Variants in FNDC3B observed in about 807,000 individuals in gnomAD.
FNDC3B encodes fibronectin type III domain containing 3B.
Under a neutral mutation model 151.5 loss-of-function variants are expected in FNDC3B, and 12 were observed. That is an observed-to-expected ratio of 0.08 (90% confidence interval 0.05 to 0.13). The LOEUF is 0.13. Ranked by LOEUF, FNDC3B falls within the 10% of genes least tolerant of loss-of-function variation. The pLI, the probability that FNDC3B is intolerant of heterozygous loss-of-function variation, is 1.00. For synonymous variants in FNDC3B, 528 were observed against 549.0 expected (o/e 0.96, Z 0.54); for missense variants, 1,214 against 1,505.3 (o/e 0.81, Z 3.20).
intron 2 of FNDC3B, among the ~76,000 whole-genome samples, chr3:172,129,387 A>G (rs1444766860): frequency 3.3e-5 from 5 of 152,242 alleles, no homozygotes. Context: ...CTTAGATACT[A>G]TTGGCACCTG....
At chr3:172,163,420 A>G (rs1722872238) in intron 3 of FNDC3B, among the ~76,000 whole-genome samples, 1 of 152,192 alleles carries the variant, frequency 6.6e-6, no homozygotes, top group Non-Finnish European at 1.5e-5. Context: ...ATCATTAACA[A>G]ATTAAATCAC....
At chr3:172,312,633 TG>T (rs1731572808) in intron 11 of FNDC3B, among the ~76,000 whole-genome samples, 1 of 152,106 alleles carries the variant, frequency 6.6e-6, no homozygotes, top group Non-Finnish European at 1.5e-5. Flanking sequence ...GGGCACTGTG[TG>T]TGTATGTGCG....
chr3:172,306,614 C>T (rs369568082), intron 9 of FNDC3B, among the ~76,000 whole-genome samples: 1 of 152,080 alleles, frequency 6.6e-6, no homozygotes, highest in East Asian at 1.9e-4. Flanking sequence ...TCAGCATAGC[C>T]CTATTTTATG....
At chr3:172,069,407 C>G (rs1240686785) in intron 1 of FNDC3B, among the ~76,000 whole-genome samples, 1 of 152,178 alleles carries the variant, frequency 6.6e-6, no homozygotes, top group Non-Finnish European at 1.5e-5. Context: ...CTAAATATCT[C>G]TATTAATACT....
At chr3:172,054,544 A>G (rs1438) in intron 1 of FNDC3B, among the ~76,000 whole-genome samples, 98,567 of 152,080 alleles carry the variant, frequency 0.65, 32,156 homozygotes, top group East Asian at 0.79. Flanking sequence ...CCAAGGCTGT[A>G]TTGCCTAAAA....
At chr3:172,054,605 A>G (rs1325326947) in intron 1 of FNDC3B, among the ~76,000 whole-genome samples, 2 of 152,200 alleles carry the variant, frequency 1.3e-5, no homozygotes, top group East Asian at 1.9e-4. Flanking sequence ...AGAAGGAGCT[A>G]TGTGCTTCTC....
intron 3 of FNDC3B, among the ~76,000 whole-genome samples, chr3:172,172,821 T>TAAGG (rs10648327): frequency 0.45 from 68,129 of 151,686 alleles, 15,811 homozygotes; most frequent in East Asian, 0.59. Flanking sequence ...CATTTAAATA[T>TAAGG]AAGGGACCTA....
intron 3 of FNDC3B, among the ~76,000 whole-genome samples, chr3:172,140,554 C>G (rs1308270202): frequency 6.6e-6 from 1 of 152,222 alleles, no homozygotes; most frequent in African/African-American, 2.4e-5. Context: ...CTTTTACAGA[C>G]AGCAGCTTGC....
chr3:172,138,479 A>T (rs1721476748), intron 3 of FNDC3B, among the ~76,000 whole-genome samples: 1 of 152,210 alleles, frequency 6.6e-6, no homozygotes, highest in Non-Finnish European at 1.5e-5. Context: ...GAAATACTAG[A>T]TTCCATTGAT....
At chr3:172,291,492 A>T (rs774953072) in intron 7 of FNDC3B, among the ~76,000 whole-genome samples, 21 of 152,212 alleles carry the variant, frequency 1.4e-4, no homozygotes, top group Non-Finnish European at 1.9e-4. Context: ...GTGACCACTT[A>T]GTAGTAGGAA....
chr3:172,374,636 G>T (rs1008833844), intron 23 of FNDC3B, among the ~76,000 whole-genome samples: 1 of 152,034 alleles, frequency 6.6e-6, no homozygotes. Context: ...CTTGTGATCC[G>T]CCCGCCTCGG....
intron 3 of FNDC3B, among the ~76,000 whole-genome samples, chr3:172,209,982 A>G (rs778802317): frequency 4.6e-5 from 7 of 152,226 alleles, no homozygotes; most frequent in Non-Finnish European, 1.0e-4. Context: ...AGGCTCAGCC[A>G]CAACTGTTTT....
At chr3:172,136,039 A>G (rs977660319) in intron 3 of FNDC3B, among the ~76,000 whole-genome samples, 3 of 152,204 alleles carry the variant, frequency 2.0e-5, no homozygotes, top group African/African-American at 4.8e-5. Flanking sequence ...GTTACACATA[A>G]GGAAGCTGAG....
chr3:172,380,909 T>G, intron 24 of FNDC3B, 57 bp from the exon 25 acceptor site: 3 of 1,585,080 alleles, frequency 1.9e-6, no homozygotes, highest in Non-Finnish European at 2.6e-6. Context: ...GCTAAAGTGT[T>G]GACTATTAAC....
intron 1 of FNDC3B, among the ~76,000 whole-genome samples, chr3:172,091,566 T>C (rs1462657268): frequency 6.6e-6 from 1 of 152,142 alleles, no homozygotes; most frequent in East Asian, 1.9e-4. Flanking sequence ...TGTGTGTGCG[T>C]TTGTGTATGT....
At position 172,362,853 on chromosome 3, in the gene FNDC3B, G is replaced by A. The variant is rs370130678; in HGVS notation, c.3008+8G>A. 1 of 1,605,734 alleles carries A rather than the reference G, an allele frequency of 6.2e-7. No individual in the cohort carries two copies. The highest frequency in any genetic ancestry group is 1.3e-5 in the African/African-American group (1 of 74,694). On this transcript the variant is annotated splice_region_variant and intron_variant, in intron 23 of 25. Transcript: ENST00000415807. The stretch of plus-strand genomic sequence containing the variant: ...GGAGGACAGAAACAAGAGGTGAGGT[G>A]GGGGTGAGGATGCTCCTGAAGCTTC...
chr3:172,298,895 G>GT (rs879587791), intron 9 of FNDC3B, 108 bp downstream of exon 9: 6 of 711,046 alleles, frequency 8.4e-6, no homozygotes, highest in African/African-American at 1.8e-5. Context: ...CTTGCTGAAA[G>GT]TTGTAGAACC....
At chr3:172,192,475 G>A (rs908202832) in intron 3 of FNDC3B, among the ~76,000 whole-genome samples, 11 of 152,102 alleles carry the variant, frequency 7.2e-5, no homozygotes, top group Middle Eastern at 3.4e-3. Context: ...GTGAGCCACC[G>A]CGCCTGGCTG....
Position 172,251,409 on chromosome 3 carries a change from A to G in FNDC3B, c.658A>G (p.Thr220Ala), listed in dbSNP as rs1728067836. 1.9e-6 allele frequency: 3 copies of G among 1,614,150 alleles called. No homozygotes were observed. Among genetic ancestry groups the G allele is most frequent in the Non-Finnish European group, 2.5e-6 (3 of 1,180,012 alleles). The change falls in exon 6 of 26, where the codon ACA becomes GCA. Residue 220 changes from threonine to alanine, a missense_variant. Transcript: ENST00000415807. ...TTCTATCTACAAAAGCAGCTGCACA[A>G]CAGTATACAATGGCTATGGGAAGGG... ...PSSIYKSSCT[T>A]VYNGYGKGHS... is the part of the protein sequence containing the mutation.
Sources: allele counts gnomAD v4.1 joint callset (sites outside exome capture counted in the v4.1 genomes callset), GRCh38; gene constraint gnomAD v4.1.1; transcripts MANE v1.5; gene names NCBI Gene and HGNC (gene_info 2026-07-23, HGNC 2026-07-21).